The following DGKB variants were observed in gnomAD, a reference collection of about 807,000 sequenced individuals.
The protein encoded by DGKB is diacylglycerol kinase beta, also known as 90 kDa diacylglycerol kinase.
In DGKB, 67 loss-of-function variants were observed where a neutral mutation model predicts 114.3. The ratio of observed to expected loss-of-function variants is 0.59; its 90% CI spans 0.48 to 0.72. The LOEUF (loss-of-function observed/expected upper bound fraction) is 0.72. Ranked by LOEUF, DGKB falls within the 30% of genes least tolerant of loss-of-function variation. The pLI is 0.00. For missense variants in DGKB, 907 were observed against 975.2 expected, an observed-to-expected ratio of 0.93 and a Z score of 0.93; for synonymous variants, 398 against 323.1, an observed-to-expected ratio of 1.23 and a Z score of -2.49.
intron 23 of DGKB, among the ~76,000 whole-genome samples, chr7:14,288,656 C>T (rs1344051673): frequency 1.3e-5 from 2 of 152,066 alleles, no homozygotes; most frequent in African/African-American, 4.8e-5. Flanking sequence ...TACTCTTTGC[C>T]TTCATCATTT....
chr7:14,852,777 C>G (rs1586920808), intron 1 of DGKB, among the ~76,000 whole-genome samples: 1 of 152,034 alleles, frequency 6.6e-6, no homozygotes, highest in Non-Finnish European at 1.5e-5. Context: ...TCAACAGAAA[C>G]AGATATTTCC....
At chr7:14,562,821 T>C (rs1237204289) in intron 20 of DGKB, among the ~76,000 whole-genome samples, 2 of 152,166 alleles carry the variant, frequency 1.3e-5, no homozygotes, top group African/African-American at 4.8e-5. Context: ...GACTATGGAC[T>C]TTTGAGTTAA....
At chr7:14,458,097 ATTCT>A (rs1427006028) in intron 21 of DGKB, among the ~76,000 whole-genome samples, 13 of 152,098 alleles carry the variant, frequency 8.5e-5, no homozygotes, top group African/African-American at 2.2e-4. Context: ...TGCTCTAAAG[ATTCT>A]TTCTCTTTCT....
chr7:14,786,926 C>T (rs1839987064), intron 2 of DGKB, among the ~76,000 whole-genome samples: 1 of 152,204 alleles, frequency 6.6e-6, no homozygotes. Flanking sequence ...AGAAGAACTA[C>T]CCACTGTGGA....
At chr7:14,160,150 A>AT (rs1293477992) in intron 25 of DGKB, among the ~76,000 whole-genome samples, 1 of 152,212 alleles carries the variant, frequency 6.6e-6, no homozygotes, top group Non-Finnish European at 1.5e-5. Context: ...TATTTATGAC[A>AT]AACCCACAGC....
At chr7:14,748,722 T>G (rs1015862717) in intron 4 of DGKB, among the ~76,000 whole-genome samples, 2 of 152,220 alleles carry the variant, frequency 1.3e-5, no homozygotes, top group Non-Finnish European at 2.9e-5. Context: ...GACTCATATT[T>G]TAACAGAACC....
intron 23 of DGKB, among the ~76,000 whole-genome samples, chr7:14,222,158 C>T (rs1157391668): frequency 6.6e-6 from 1 of 150,558 alleles, no homozygotes; most frequent in Non-Finnish European, 1.5e-5. Context: ...TAATTTCTGC[C>T]TTAATCTTTG....
At chr7:14,896,791 G>C (rs1050450375) in intron 1 of DGKB, among the ~76,000 whole-genome samples, 1 of 151,722 alleles carries the variant, frequency 6.6e-6, no homozygotes, top group Non-Finnish European at 1.5e-5. Flanking sequence ...AACGCAGAAA[G>C]TAAGTTTCAA....
chr7:14,416,082 T>C (rs1825688627), intron 21 of DGKB, among the ~76,000 whole-genome samples: 1 of 152,120 alleles, frequency 6.6e-6, no homozygotes, highest in South Asian at 2.1e-4. Flanking sequence ...TTGAGAAGTG[T>C]CTGTTCATAT....
intron 21 of DGKB, among the ~76,000 whole-genome samples, chr7:14,474,371 G>C (rs1781858632): frequency 6.6e-6 from 1 of 152,202 alleles, no homozygotes. Context: ...TCTCAGCCAT[G>C]TGGAACTGTA....
chr7:14,329,909 A>C (rs1809423580), intron 23 of DGKB, among the ~76,000 whole-genome samples: 1 of 152,002 alleles, frequency 6.6e-6, no homozygotes, highest in South Asian at 2.1e-4. Context: ...AATTGACTTA[A>C]AGTTAAGATG....
At chr7:14,974,104 T>A (rs1236166370) in intron 1 of DGKB, among the ~76,000 whole-genome samples, 2 of 151,924 alleles carry the variant, frequency 1.3e-5, no homozygotes, top group Non-Finnish European at 2.9e-5. Context: ...CATGTGGTAA[T>A]ACAGTTCTTT....
intron 5 of DGKB, among the ~76,000 whole-genome samples, chr7:14,726,935 G>A (rs770936342): frequency 1.3e-5 from 2 of 152,074 alleles, no homozygotes; most frequent in Non-Finnish European, 2.9e-5. Context: ...TCATTCCAGG[G>A]GATCAAAGCA....
intron 21 of DGKB, among the ~76,000 whole-genome samples, chr7:14,463,350 A>T (rs2128873197): frequency 6.6e-6 from 1 of 152,256 alleles, no homozygotes; most frequent in South Asian, 2.1e-4. Context: ...TATGTAACAA[A>T]ACTACATGTT....
chr7:14,475,951 T>A (rs28688847), intron 21 of DGKB, among the ~76,000 whole-genome samples: 2 of 151,954 alleles, frequency 1.3e-5, no homozygotes, highest in African/African-American at 2.4e-5. Context: ...TAATAAATAT[T>A]GGCATTCTTA....
At chr7:14,608,398 A>C (rs1804910316) in intron 16 of DGKB, among the ~76,000 whole-genome samples, 1 of 151,932 alleles carries the variant, frequency 6.6e-6, no homozygotes, top group Non-Finnish European at 1.5e-5. Context: ...CCTGTCATGA[A>C]AAAAAATCTT....
chr7:14,324,135 T>C lies in DGKB; in HGVS notation c.2122+14380A>G, dbSNP rs186764894. ...CTGATCATTTATGGGAAAAGAGCTA[T>C]ACGCAAATTTTATATATGCATATGA... On this transcript the variant is annotated intron_variant, in intron 23 of 25. Coordinates refer to ENST00000402815, the MANE Select transcript of DGKB (RefSeq NM_001350709.2). 1.7e-3 allele frequency among the ~76,000 whole-genome samples: 257 copies of C among 152,272 alleles called. 2 individuals carry two copies. Among genetic ancestry groups the C allele is most frequent in the South Asian group, 6.8e-3 (33 of 4,826 alleles).
rs78215346 is a variant in DGKB, at chr7:14,566,660, C to T, written c.1770+7552G>A. Among the ~76,000 whole-genome samples the T allele has an allele frequency of 3.9e-3, 587 of 152,214 alleles. 3 individuals are homozygous for T. Among genetic ancestry groups the T allele is most frequent in the African/African-American group, 0.013 (523 of 41,534 alleles). ...CACACCATAGTCCTACAGGAGACTTCGAGACATGGTGGCAGCTGTGTTAAC... is the reference window on the plus strand; with the variant it reads ...CACACCATAGTCCTACAGGAGACTTTGAGACATGGTGGCAGCTGTGTTAAC... On this transcript the variant is annotated intron_variant, in intron 20 of 25. Transcript: ENST00000402815.
chr7:14,822,801 T>C (rs748489532), intron 2 of DGKB, among the ~76,000 whole-genome samples: 2 of 152,166 alleles, frequency 1.3e-5, no homozygotes, highest in Non-Finnish European at 2.9e-5. Context: ...AAAGTGTTAG[T>C]TTCTTCCACA....
Sources: gnomAD v4.1 joint callset for allele counts (sites outside exome capture counted in the v4.1 genomes callset) on GRCh38, gnomAD v4.1.1 for gene constraint, MANE v1.5 for transcripts, NCBI Gene and HGNC (gene_info 2026-07-23, HGNC 2026-07-21) for gene names.